The following ANTXR1 variants were observed in gnomAD, a reference collection of about 807,000 sequenced individuals.
The protein encoded by ANTXR1 is anthrax toxin receptor 1.
ANTXR1 carries 19 observed loss-of-function variants against 78.1 expected under a neutral mutation model. The ratio of observed to expected loss-of-function variants is 0.24; its 90% CI spans 0.17 to 0.36. The LOEUF (loss-of-function observed/expected upper bound fraction) is 0.36, where lower values mean the gene tolerates loss of function less well. Ranked by LOEUF, ANTXR1 falls within the 10% of genes least tolerant of loss-of-function variation. ANTXR1 has a pLI of 1.00. For missense variants in ANTXR1, 518 were observed against 718.6 expected (o/e 0.72, Z 3.19); for synonymous variants, 273 against 260.5 (o/e 1.05, Z -0.46).
intron 17 of ANTXR1, among the ~76,000 whole-genome samples, chr2:69,229,734 GTTTT>G (rs562601103): frequency 5.0e-5 from 7 of 139,284 alleles, no homozygotes; most frequent in South Asian, 2.4e-4. Flanking sequence ...TGCCATGGTG[GTTTT>G]TTTTTTTTTT....
intron 12 of ANTXR1, chr2:69,135,060 G>T: frequency 2.4e-6 from 1 of 409,002 alleles, no homozygotes. Context: ...TCAGAGTGCG[G>T]AACTCAGATC....
chr2:69,125,945 C>T (rs1257718734), intron 12 of ANTXR1, among the ~76,000 whole-genome samples: 2 of 152,178 alleles, frequency 1.3e-5, no homozygotes, highest in African/African-American at 4.8e-5. Context: ...TCCATTAGCT[C>T]ATTCTAGAAA....
intron 7 of ANTXR1, among the ~76,000 whole-genome samples, chr2:69,076,475 A>G (rs1670735456): frequency 6.6e-6 from 1 of 152,246 alleles, no homozygotes; most frequent in Non-Finnish European, 1.5e-5. Context: ...AATGTAGTTC[A>G]TCGTTTCTTT....
chr2:69,057,079 A>G (rs887219106), intron 3 of ANTXR1, among the ~76,000 whole-genome samples: 3 of 152,018 alleles, frequency 2.0e-5, no homozygotes, highest in African/African-American at 4.8e-5. Flanking sequence ...GTGTAGATAC[A>G]TATAGCTGGT....
In ANTXR1 at chr2:69,128,457, G is replaced by T. The variant is rs535667980; in HGVS notation, c.951+3814G>T. ...ATTTGAGATTCTTCCTAGAGAGCTG[G>T]CTCTTTAATTCAGAGTCTCATTATA... On this transcript the variant is annotated intron_variant, in intron 12 of 17. Coordinates refer to ENST00000303714, the MANE Select transcript of ANTXR1 (RefSeq NM_032208.3). Among the ~76,000 whole-genome samples the T allele has an allele frequency of 3.9e-5, 6 of 152,256 alleles. 1 individual carries two copies. The highest frequency in any genetic ancestry group is 1.4e-4 in the African/African-American group (6 of 41,566).
intron 14 of ANTXR1, 147 bp from the exon 15 acceptor site, chr2:69,181,639 G>A: frequency 1.2e-6 from 1 of 800,026 alleles, no homozygotes; most frequent in South Asian, 1.4e-5. Context: ...TTCAGTGATT[G>A]GCCCAAGGTT....
In ANTXR1 at chr2:69,237,531, A is replaced by G. The variant is rs543614789; in HGVS notation, c.1435-7694A>G. Among the ~76,000 whole-genome samples, 153 of 152,316 alleles carry G rather than the reference A, an allele frequency of 1.0e-3. 1 individual carries two copies. Among genetic ancestry groups the G allele is most frequent in the African/African-American group, 3.6e-3 (151 of 41,578 alleles). ...CCATTGCAGCCTCAAACTCTTGGGC[A>G]TCCTTCTGCCTCAGCCTCCCAAGTA... On this transcript the variant is annotated intron_variant, in intron 17 of 17. Coordinates refer to ENST00000303714, the MANE Select transcript of ANTXR1 (RefSeq NM_032208.3).
At chr2:69,224,602 G>A (rs1341973578) in intron 17 of ANTXR1, among the ~76,000 whole-genome samples, 6 of 152,096 alleles carry the variant, frequency 3.9e-5, no homozygotes, top group South Asian at 2.1e-4. Context: ...GGGCCCCACC[G>A]TTGCTCAGGC....
At chr2:69,049,502 G>A (rs1023898423) in intron 3 of ANTXR1, among the ~76,000 whole-genome samples, 1 of 151,920 alleles carries the variant, frequency 6.6e-6, no homozygotes, top group Admixed American at 6.6e-5. Context: ...TAGAGACGGG[G>A]TTTCACCATG....
chr2:69,111,015 A>G lies in ANTXR1; in HGVS notation c.802+8075A>G, dbSNP rs533947934. On this transcript the variant is annotated intron_variant, in intron 10 of 17. Coordinates refer to ENST00000303714, the MANE Select transcript of ANTXR1 (RefSeq NM_032208.3). ...TATTAATTTTTGCTTTCTTCTTTCCATCTATCTGTGTTTTCTAAGTTCTCT... is the reference window on the plus strand; with the variant it reads ...TATTAATTTTTGCTTTCTTCTTTCCGTCTATCTGTGTTTTCTAAGTTCTCT... Among the ~76,000 whole-genome samples, 206 of 152,320 alleles carry G rather than the reference A, an allele frequency of 1.4e-3. 1 individual carries two copies. The highest frequency in any genetic ancestry group is 4.8e-3 in the African/African-American group (200 of 41,570).
intron 17 of ANTXR1, among the ~76,000 whole-genome samples, chr2:69,202,210 C>T (rs991069272): frequency 4.6e-5 from 7 of 152,080 alleles, no homozygotes; most frequent in South Asian, 2.1e-4. Context: ...AGCAAGAAGA[C>T]GACTAAGAAG....
intron 2 of ANTXR1, among the ~76,000 whole-genome samples, chr2:69,041,199 T>C (rs1669605609): frequency 6.6e-6 from 1 of 152,044 alleles, no homozygotes; most frequent in African/African-American, 2.4e-5. Flanking sequence ...TGTTAGAAAA[T>C]GTTTGAAAGG....
At chr2:69,138,299 C>T (rs1672973283) in intron 12 of ANTXR1, among the ~76,000 whole-genome samples, 1 of 152,036 alleles carries the variant, frequency 6.6e-6, no homozygotes, top group Non-Finnish European at 1.5e-5. Flanking sequence ...CCAACATTGG[C>T]AAAATCAGTG....
intron 13 of ANTXR1, among the ~76,000 whole-genome samples, chr2:69,156,044 C>T (rs977511212): frequency 1.3e-5 from 2 of 152,084 alleles, no homozygotes; most frequent in Non-Finnish European, 2.9e-5. Context: ...TCTCCCCTCC[C>T]GCTCCCAAGA....
chr2:69,085,043 G>A (rs1046358600), intron 8 of ANTXR1, among the ~76,000 whole-genome samples: 1 of 151,706 alleles, frequency 6.6e-6, no homozygotes, highest in Non-Finnish European at 1.5e-5. Context: ...TAGTAGAGAC[G>A]GGGCAACTTT....
rs1368907009 is a variant in ANTXR1 at position 69,013,981 on chromosome 2, G to A, written c.152+330G>A. 6.6e-6 allele frequency among the ~76,000 whole-genome samples: 1 copy of A among 152,206 alleles called. No individual in the cohort carries two copies. The highest frequency in any genetic ancestry group is 2.4e-5 in the African/African-American group (1 of 41,454). ...GTTTCTGTGACTCCCTCCCGTGTTGGTGGGAAAGGCTTGCTTACCAAAGGC... is the reference window on the plus strand; with the variant it reads ...GTTTCTGTGACTCCCTCCCGTGTTGATGGGAAAGGCTTGCTTACCAAAGGC... On this transcript the variant is annotated intron_variant, in intron 1 of 17. Transcript: ENST00000303714. This position sits in a 1 kb window ranked among gnomAD's most constrained non-coding sequence, Gnocchi z 5.0.
intron 12 of ANTXR1, among the ~76,000 whole-genome samples, chr2:69,139,463 A>C (rs927972578): frequency 1.3e-5 from 2 of 152,248 alleles, no homozygotes; most frequent in African/African-American, 4.8e-5. Context: ...CTATCTTTCT[A>C]TGCCTCCTAC....
At chr2:69,056,616 G>T (rs530445198) in intron 3 of ANTXR1, among the ~76,000 whole-genome samples, 96 of 152,122 alleles carry the variant, frequency 6.3e-4, no homozygotes, top group African/African-American at 2.0e-3. Context: ...TCATTTCAAT[G>T]GATATTGCAT....
At chr2:69,039,413 C>T (rs1291494960) in intron 1 of ANTXR1, among the ~76,000 whole-genome samples, 2 of 152,044 alleles carry the variant, frequency 1.3e-5, no homozygotes, top group African/African-American at 2.4e-5. Flanking sequence ...ATTCCTTTTT[C>T]GTATAACAAA....
Sources: allele counts gnomAD v4.1 joint callset (sites outside exome capture counted in the v4.1 genomes callset), GRCh38; gene constraint gnomAD v4.1.1; non-coding constraint Gnocchi (gnomAD v3.1); transcripts MANE v1.5; gene names NCBI Gene and HGNC (gene_info 2026-07-23, HGNC 2026-07-21).